Variants in ACSS3 observed in about 807,000 individuals in gnomAD.
ACSS3 encodes acyl-CoA synthetase short chain family member 3, also known as acyl-CoA synthetase short-chain family member 3, mitochondrial.
In ACSS3, 64 loss-of-function variants were observed where a neutral mutation model predicts 84.2. The observed-to-expected ratio is 0.76, with a 90% confidence interval of 0.62 to 0.94. The LOEUF (loss-of-function observed/expected upper bound fraction) is 0.94, where lower values mean the gene tolerates loss of function less well. Ranked by LOEUF, ACSS3 falls within the 40% of genes least tolerant of loss-of-function variation. ACSS3 has a pLI of 0.00. For missense variants in ACSS3, 815 were observed against 867.6 expected (o/e 0.94, Z 0.76); for synonymous variants, 317 against 310.1 (o/e 1.02, Z -0.23).
At chr12:81,239,293 G>T (rs2033717500) in intron 13 of ACSS3, among the ~76,000 whole-genome samples, 1 of 151,608 alleles carries the variant, frequency 6.6e-6, no homozygotes, top group Admixed American at 6.6e-5. Flanking sequence ...CTTGGTGACT[G>T]TTCCATTTAA....
At chr12:81,212,589 A>G (rs1348342641) in intron 9 of ACSS3, among the ~76,000 whole-genome samples, 1 of 152,320 alleles carries the variant, frequency 6.6e-6, no homozygotes, top group East Asian at 1.9e-4. Context: ...TTTCATCAGT[A>G]AAAAGAATAC....
chr12:81,181,888 G>A (rs1366534003), intron 8 of ACSS3, among the ~76,000 whole-genome samples: 3 of 151,898 alleles, frequency 2.0e-5, no homozygotes, highest in African/African-American at 7.3e-5. Context: ...ATGAAAAGGG[G>A]TGAAGACAGC....
rs545159125 is a variant in ACSS3, at chr12:81,129,548, T to TA, written c.457-5267dup. ...GCTGGTTCATTTTCTTAAAATGTGATATGGCCCCAACTTAAATACATCTTG... is the reference window on the plus strand; with the variant it reads ...GCTGGTTCATTTTCTTAAAATGTGATAATGGCCCCAACTTAAATACATCTTG... On this transcript the variant is annotated intron_variant, in intron 2 of 15. Transcript: ENST00000548058. 1.6e-4 allele frequency among the ~76,000 whole-genome samples: 25 copies of TA among 152,324 alleles called. No homozygotes were observed. The East Asian group carries it at 4.4e-3, about 27-fold the overall frequency.
chr12:81,116,668 A>G (rs1236962126), intron 2 of ACSS3, among the ~76,000 whole-genome samples: 2 of 152,080 alleles, frequency 1.3e-5, no homozygotes, highest in Non-Finnish European at 2.9e-5. Context: ...GCTCCTTGAG[A>G]TAAGGGTAAT....
At chr12:81,230,927 A>G in intron 11 of ACSS3, 130 bp from the exon 12 acceptor site, 1 of 730,674 alleles carries the variant, frequency 1.4e-6, no homozygotes, top group Non-Finnish European at 2.3e-6. Flanking sequence ...TGTCCAGCAG[A>G]TTTAGGGGTT....
At chr12:81,249,058 C>T (rs1029141257) in intron 13 of ACSS3, among the ~76,000 whole-genome samples, 1 of 151,844 alleles carries the variant, frequency 6.6e-6, no homozygotes, top group African/African-American at 2.4e-5. Context: ...AAAATGAGGG[C>T]CTTCTTTAAC....
At chr12:81,118,098 T>C (rs1333498727) in intron 2 of ACSS3, 1 of 152,192 alleles carries the variant, frequency 6.6e-6, no homozygotes, top group East Asian at 1.9e-4. Context: ...GTTCTATTTT[T>C]TTCACATACA....
Position 81,255,908 on chromosome 12 carries a change from G to T in ACSS3, c.*986G>T, listed in dbSNP as rs1397242791. ...CTGGGAGCCCCTCTTCATGTCTCAG[G>T]TTCTTAGTTGACTATGTTTATCCAA... On this transcript the variant is annotated 3_prime_UTR_variant, in exon 16 of 16. Transcript: ENST00000548058. 1 of 152,196 alleles carries T rather than the reference G, an allele frequency of 6.6e-6. No homozygotes were observed. The highest frequency in any genetic ancestry group is 2.1e-4 in the South Asian group (1 of 4,836). 9.4% of individuals were successfully genotyped at this position (152,196 alleles called of 1,614,324 possible).
chr12:81,167,326 A>T (rs932580234), intron 7 of ACSS3, among the ~76,000 whole-genome samples: 2 of 152,204 alleles, frequency 1.3e-5, no homozygotes, highest in African/African-American at 4.8e-5. Context: ...AGAAGAACCA[A>T]ACCAAAAGGA....
chr12:81,128,147 G>C (rs976389484), intron 2 of ACSS3, among the ~76,000 whole-genome samples: 9 of 151,574 alleles, frequency 5.9e-5, no homozygotes, highest in Admixed American at 2.0e-4. Flanking sequence ...TTCAGTTGTT[G>C]CATTTTCTTT....
At position 81,250,577 on chromosome 12, in the gene ACSS3, T is replaced by G. The variant is rs12317798; in HGVS notation, c.1720-2730T>G. Among the ~76,000 whole-genome samples, 268 of 152,058 alleles carry G rather than the reference T, an allele frequency of 1.8e-3. 3 individuals are homozygous for G. The highest frequency in any genetic ancestry group is 6.0e-3 in the African/African-American group (250 of 41,510). On this transcript the variant is annotated intron_variant, in intron 13 of 15. Coordinates refer to ENST00000548058, the MANE Select transcript of ACSS3 (RefSeq NM_024560.4). ...CTTAGTAAAATTTAAAATAACAAAG[T>G]GAAAGAGTGGCAGACTAGATGTTTT...
intron 13 of ACSS3, among the ~76,000 whole-genome samples, chr12:81,249,588 T>C (rs2034089364): frequency 1.3e-5 from 2 of 152,072 alleles, no homozygotes; most frequent in South Asian, 2.1e-4. Context: ...ATAAAGTGAC[T>C]GTGTATCCAG....
chr12:81,218,613 C>T (rs2135946012), intron 10 of ACSS3, among the ~76,000 whole-genome samples: 1 of 152,128 alleles, frequency 6.6e-6, no homozygotes, highest in South Asian at 2.1e-4. Context: ...TAGTGAAATC[C>T]TCTGTTTAAA....
chr12:81,153,992 T>A (rs557163403), intron 7 of ACSS3, among the ~76,000 whole-genome samples: 3 of 152,346 alleles, frequency 2.0e-5, no homozygotes, highest in Admixed American at 2.0e-4. Flanking sequence ...TGGGAATTCA[T>A]ATACTACTCT....
intron 9 of ACSS3, among the ~76,000 whole-genome samples, chr12:81,215,866 G>C (rs1315186396): frequency 2.0e-5 from 3 of 152,054 alleles, no homozygotes; most frequent in African/African-American, 7.2e-5. Context: ...TAATATTCTG[G>C]CTGTTACAAC....
At chr12:81,238,824 T>G (rs2033706592) in intron 13 of ACSS3, among the ~76,000 whole-genome samples, 1 of 151,756 alleles carries the variant, frequency 6.6e-6, no homozygotes, top group African/African-American at 2.4e-5. Flanking sequence ...GGTTTTATGG[T>G]ATTTTCTATT....
chr12:81,224,600 G>A (rs543436087), intron 11 of ACSS3, among the ~76,000 whole-genome samples: 1 of 150,834 alleles, frequency 6.6e-6, no homozygotes, highest in South Asian at 2.1e-4. Context: ...GTGTGTGTGT[G>A]TATGCACATG....
intron 7 of ACSS3, among the ~76,000 whole-genome samples, chr12:81,153,098 T>A (rs1289943899): frequency 6.6e-6 from 1 of 151,982 alleles, no homozygotes; most frequent in African/African-American, 2.4e-5. Context: ...GGGAGTAGCA[T>A]GGAAATAATG....
At chr12:81,140,094 T>C (rs1213045257) in intron 4 of ACSS3, among the ~76,000 whole-genome samples, 1 of 152,200 alleles carries the variant, frequency 6.6e-6, no homozygotes, top group Non-Finnish European at 1.5e-5. Context: ...GCATGCTTAA[T>C]CCCTCAGCTA....
Sources: allele counts gnomAD v4.1 joint callset (sites outside exome capture counted in the v4.1 genomes callset), GRCh38; gene constraint gnomAD v4.1.1; transcripts MANE v1.5; gene names NCBI Gene and HGNC (gene_info 2026-07-23, HGNC 2026-07-21).